Variants in CDKN2A observed in about 807,000 individuals in gnomAD.
CDKN2A encodes the protein cyclin dependent kinase inhibitor 2A, also known as cyclin-dependent kinase inhibitor 2A.
CDKN2A carries 3 observed loss-of-function variants against 11.1 expected under a neutral mutation model. The ratio of observed to expected loss-of-function variants is 0.27; its 90% CI spans 0.12 to 0.70. CDKN2A has a LOEUF of 0.70. CDKN2A is among the 30% of genes least tolerant of loss of function. CDKN2A has a pLI of 0.77. For missense variants in CDKN2A, 265 were observed against 233.6 expected (o/e 1.13, Z -0.88); for synonymous variants, 122 against 108.1 (o/e 1.13, Z -0.80).
At chr9:21,985,703 T>C (rs1461820783) in intron 2 of CDKN2A, among the ~76,000 whole-genome samples, 1 of 151,946 alleles carries the variant, frequency 6.6e-6, no homozygotes, top group Admixed American at 6.6e-5. Flanking sequence ...AATATCTCTT[T>C]AATGATTATG....
chr9:21,987,176 C>G (rs1820319525), intron 2 of CDKN2A, among the ~76,000 whole-genome samples: 1 of 151,870 alleles, frequency 6.6e-6, no homozygotes, highest in African/African-American at 2.4e-5. Context: ...CCCCCCCCAT[C>G]ACTGTGCTTT....
In CDKN2A at chr9:21,974,398, G is replaced by T; in HGVS notation, c.150+280C>A. ...TCGTAAATTTTGTATCTGATAAAGA[G>T]CATACTTCCATCTAATACAAATATG... On this transcript the variant is annotated intron_variant, in intron 1 of 2. Coordinates refer to ENST00000304494, the MANE Select transcript of CDKN2A (RefSeq NM_000077.5). This position sits in a 1 kb window ranked among gnomAD's most constrained non-coding sequence, Gnocchi z 5.2. 1 of 1,588,122 alleles carries T rather than the reference G, an allele frequency of 6.3e-7. No homozygotes were observed.
intron 1 of CDKN2A, chr9:21,994,381 GGCACCAGAGGTGA>G: frequency 1.2e-6 from 2 of 1,607,754 alleles, no homozygotes; most frequent in Non-Finnish European, 1.7e-6. Context: ...GCCGCCCTTT[GGCACCAGAGGTGA>G]GCAGCGCCAC....
rs1221761239 is a variant in CDKN2A at position 21,968,855 on chromosome 9, GC to G, written c.458-614del. On this transcript the variant is annotated intron_variant, in intron 2 of 2. Coordinates refer to ENST00000304494, the MANE Select transcript of CDKN2A (RefSeq NM_000077.5). The surrounding 1 kb of genome is among the most constrained non-coding windows in gnomAD (Gnocchi z 4.7). ...TCTCGTTGCGTATGGGCTCCAGCTCGCCGTTCGGTTCTCCCGAGGCAGCATT... is the reference window on the plus strand; with the variant it reads ...TCTCGTTGCGTATGGGCTCCAGCTCGCGTTCGGTTCTCCCGAGGCAGCATT... 7.3e-7 allele frequency: 1 copy of G among 1,370,672 alleles called. No homozygotes were observed. Among genetic ancestry groups the G allele is most frequent in the Non-Finnish European group, 1.0e-6 (1 of 996,666 alleles). 84.9% of individuals were successfully genotyped at this position (1,370,672 alleles called of 1,614,324 possible). A position where few individuals can be genotyped will look rare whatever the true frequency, so the allele number is the denominator to read the frequency against.
chr9:21,968,782 A>G lies in CDKN2A; in HGVS notation c.458-540T>C. 6.5e-7 allele frequency: 1 copy of G among 1,536,012 alleles called. No individual in the cohort carries two copies. Among genetic ancestry groups the G allele is most frequent in the South Asian group, 1.2e-5 (1 of 84,064 alleles). ...GGTTTCCGATCATTTCTGAAACAAA[A>G]TGGATGCTCATTTATTCATGTGCTC... On this transcript the variant is annotated intron_variant, in intron 2 of 2. Coordinates refer to ENST00000304494, the MANE Select transcript of CDKN2A (RefSeq NM_000077.5). The surrounding 1 kb of genome is among the most constrained non-coding windows in gnomAD (Gnocchi z 4.7).
At chr9:21,983,429 A>G (rs1820239526) in intron 2 of CDKN2A, among the ~76,000 whole-genome samples, 1 of 152,048 alleles carries the variant, frequency 6.6e-6, no homozygotes, top group Non-Finnish European at 1.5e-5. Flanking sequence ...AACTTCTCCA[A>G]AAACACTTCA....
rs781703856 is a variant in CDKN2A, at chr9:21,968,165, T to C, written c.*64A>G. 4 of 1,470,392 alleles carry C rather than the reference T, an allele frequency of 2.7e-6. No homozygotes were observed. Among genetic ancestry groups the C allele is most frequent in the African/African-American group, 1.4e-5 (1 of 72,084 alleles). The allele number at this position is 1,470,392 out of a possible 1,614,324, so 91.1% of individuals were successfully genotyped here. ...GTTGTGGCGGGGGCAGTTGTGGCCC[T>C]GTAGGACCTTCGGTGACTGATGATC... On this transcript the variant is annotated 3_prime_UTR_variant, in exon 3 of 3. Transcript: ENST00000304494. The surrounding 1 kb of genome is among the most constrained non-coding windows in gnomAD (Gnocchi z 4.7).
rs1819527010 is a variant in CDKN2A, at chr9:21,968,625, C to T, written c.458-383G>A. On this transcript the variant is annotated intron_variant, in intron 2 of 2. Transcript: ENST00000304494. This position sits in a 1 kb window ranked among gnomAD's most constrained non-coding sequence, Gnocchi z 4.7. ...TGTGGCCTTTCCCTTCCCGCATCCC[C>T]AGGCATCTTTTGCACCTGGTGCGGA... 2.0e-6 allele frequency: 3 copies of T among 1,517,166 alleles called. No individual in the cohort carries two copies. Among genetic ancestry groups the T allele is most frequent in the Non-Finnish European group, 1.8e-6 (2 of 1,137,148 alleles). 94.0% of individuals were successfully genotyped at this position (1,517,166 alleles called of 1,614,324 possible). A position where few individuals can be genotyped will look rare whatever the true frequency, so the allele number is the denominator to read the frequency against.
chr9:21,979,699 A>AG (rs1165322600), upstream of CDKN2A, among the ~76,000 whole-genome samples: 4 of 152,272 alleles, frequency 2.6e-5, no homozygotes, highest in Middle Eastern at 3.4e-3. Flanking sequence ...TGAGAATCGT[A>AG]AAGGTTTGGA....
Position 21,994,015 on chromosome 9 carries a change from C to G in CDKN2A, c.-137G>C, listed in dbSNP as rs1820516724. On this transcript the variant is annotated 5_prime_UTR_variant, in exon 2 of 4. Coordinates refer to the CDKN2A transcript ENST00000494262. ...AGTCGTTGTAACCCGAATGGGGAAG[C>G]CTCCACCGGCGGTTATCTCCTCCTC... 2.8e-6 allele frequency: 3 copies of G among 1,077,722 alleles called. No homozygotes were observed. The African/African-American group carries it at 4.7e-5, about 17-fold the overall frequency. 66.8% of individuals were successfully genotyped at this position (1,077,722 alleles called of 1,614,324 possible). A position where few individuals can be genotyped will look rare whatever the true frequency, so the allele number is the denominator to read the frequency against.
chr9:21,990,202 G>C (rs1820395014), intron 2 of CDKN2A, among the ~76,000 whole-genome samples: 1 of 152,138 alleles, frequency 6.6e-6, no homozygotes, highest in African/African-American at 2.4e-5. Flanking sequence ...AGGGCGCCAA[G>C]TGCTGTGACC....
At chr9:21,973,346 A>G (rs946959898) in intron 1 of CDKN2A, among the ~76,000 whole-genome samples, 5 of 152,224 alleles carry the variant, frequency 3.3e-5, no homozygotes, top group South Asian at 2.1e-4. Flanking sequence ...ATATAAATAA[A>G]TGTTCCTATA....
intron 1 of CDKN2A, 94 bp from the exon 2 acceptor site, chr9:21,971,302 C>G (rs994506918): frequency 1.3e-6 from 2 of 1,534,712 alleles, no homozygotes; most frequent in East Asian, 2.4e-5. Flanking sequence ...AAGCAGACCC[C>G]CACACAAGCC....
Position 21,974,406 on chromosome 9 carries a change from C to T in CDKN2A, c.150+272G>A, listed in dbSNP as rs1044987386. The T allele has an allele frequency of 6.3e-7, 1 of 1,595,934 alleles. No homozygotes were observed. Among genetic ancestry groups the T allele is most frequent in the South Asian group, 1.1e-5 (1 of 89,868 alleles). On this transcript the variant is annotated intron_variant, in intron 1 of 2. Transcript: ENST00000304494. The surrounding 1 kb of genome is among the most constrained non-coding windows in gnomAD (Gnocchi z 5.2). The stretch of plus-strand genomic sequence containing the variant: ...TTTGTATCTGATAAAGAGCATACTT[C>T]CATCTAATACAAATATGTTCCCCCC...
At chr9:21,970,347 T>C in intron 2 of CDKN2A, 1 of 263,428 alleles carries the variant, frequency 3.8e-6, no homozygotes, top group Non-Finnish European at 7.3e-6. Flanking sequence ...CAGAACCCCC[T>C]GGGGCAGCTC....
In CDKN2A at chr9:21,971,106, C is replaced by A. The variant is rs878853646; in HGVS notation, c.253G>T (p.Ala85Ser). 3.1e-6 allele frequency: 5 copies of A among 1,604,348 alleles called. No individual in the cohort carries two copies. In the East Asian group the frequency reaches 6.7e-5, roughly 21 times the overall value. The change falls in exon 2 of 3, where the codon GCT becomes TCT. Residue 85 changes from alanine (A) to serine (S), a missense_variant. Coordinates refer to ENST00000304494, the MANE Select transcript of CDKN2A (RefSeq NM_000077.5). Reference protein sequence around the residue: ...PATLTRPVHDAAREGFLDTLV... With the variant: ...PATLTRPVHDSAREGFLDTLV... ...GTGTCCAGGAAGCCCTCCCGGGCAG[C>A]GTCGTGCACGGGTCGGGTGAGAGTG...
upstream of CDKN2A, among the ~76,000 whole-genome samples, chr9:21,975,431 G>T (rs1819998845): frequency 6.6e-6 from 1 of 152,064 alleles, no homozygotes; most frequent in African/African-American, 2.4e-5. Flanking sequence ...GCCCCACCGA[G>T]AATCGAAATC....
chr9:21,987,789 C>T (rs1049738600), intron 2 of CDKN2A, among the ~76,000 whole-genome samples: 3 of 152,040 alleles, frequency 2.0e-5, no homozygotes, highest in African/African-American at 7.2e-5. Context: ...TCCTGGACCT[C>T]AATTCAAAGA....
rs34886500 is a variant in CDKN2A, at chr9:21,971,064, G to T, written c.295C>A (p.Arg99=). 3 of 1,605,426 alleles carry T rather than the reference G, an allele frequency of 1.9e-6. No individual in the cohort carries two copies. The highest frequency in any genetic ancestry group is 1.1e-5 in the South Asian group (1 of 90,972). ...CGCACGTCCAGCCGCGCCCCGGCCC[G>T]GTGCAGCACCACCAGCGTGTCCAGG... ...GFLDTLVVLH[R]AGARLDVRDA... Residue 99 remains arginine, a synonymous_variant, in exon 2 of 3, where the codon CGG becomes AGG. Transcript: ENST00000304494.
Sources: gnomAD v4.1 joint callset for allele counts (sites outside exome capture counted in the v4.1 genomes callset) on GRCh38, gnomAD v4.1.1 for gene constraint, Gnocchi (gnomAD v3.1) non-coding constraint, MANE v1.5 for transcripts, NCBI Gene and HGNC (gene_info 2026-07-23, HGNC 2026-07-21) for gene names.